ACYP2: variants seen among roughly 807,000 people sequenced by gnomAD.
The protein encoded by ACYP2 is acylphosphatase-2.
In ACYP2, 12 loss-of-function variants were observed where a neutral mutation model predicts 11.2. That is an observed-to-expected ratio of 1.08 (90% CI 0.69 to 1.74). The LOEUF (loss-of-function observed/expected upper bound fraction) is 1.74, where lower values mean the gene tolerates loss of function less well. Ranked by LOEUF, ACYP2 falls within the 40% of genes most tolerant of loss-of-function variation. The pLI, the probability that ACYP2 is intolerant of heterozygous loss-of-function variation, is 0.00. For missense variants in ACYP2, 134 were observed against 101.9 expected (o/e 1.31, Z -1.35); for synonymous variants, 43 against 32.2 (o/e 1.33, Z -1.13).
intron 4 of ACYP2, among the ~76,000 whole-genome samples, chr2:54,116,314 A>T (rs1029168093): frequency 1.3e-5 from 2 of 152,206 alleles, no homozygotes; most frequent in Non-Finnish European, 2.9e-5. Flanking sequence ...TGATATTTAT[A>T]AATGAAAATA....
intron 6 of ACYP2, among the ~76,000 whole-genome samples, chr2:54,205,496 A>G (rs1685038675): frequency 6.6e-6 from 1 of 152,172 alleles, no homozygotes; most frequent in Admixed American, 6.5e-5. Flanking sequence ...CCTATTATAC[A>G]TCTACCCTTC....
At chr2:54,033,407 C>T (rs1021849795) in intron 2 of ACYP2, among the ~76,000 whole-genome samples, 1 of 151,426 alleles carries the variant, frequency 6.6e-6, no homozygotes, top group Non-Finnish European at 1.5e-5. Context: ...GAGACAGGGT[C>T]CCACTGTGTT....
At chr2:54,073,931 G>T (rs550402970) in intron 4 of ACYP2, among the ~76,000 whole-genome samples, 60 of 152,312 alleles carry the variant, frequency 3.9e-4, no homozygotes, top group African/African-American at 1.4e-3. Flanking sequence ...TATAATAATG[G>T]TGGGAATGAA....
At chr2:53,982,862 G>GTGTGTGTC (rs1370440565) in intron 2 of ACYP2, among the ~76,000 whole-genome samples, 1 of 150,204 alleles carries the variant, frequency 6.7e-6, no homozygotes, top group African/African-American at 2.5e-5. Context: ...GTGTGTGTGT[G>GTGTGTGTC]TGTGTGTGTG....
At chr2:54,006,532 T>G (rs1011066401) in intron 2 of ACYP2, among the ~76,000 whole-genome samples, 1 of 152,174 alleles carries the variant, frequency 6.6e-6, no homozygotes, top group Non-Finnish European at 1.5e-5. Flanking sequence ...TAAGTGATCC[T>G]CCTGCTTCGG....
chr2:54,007,393 A>G (rs1377928921), intron 2 of ACYP2, among the ~76,000 whole-genome samples: 1 of 151,422 alleles, frequency 6.6e-6, no homozygotes, highest in Non-Finnish European at 1.5e-5. Flanking sequence ...AGCTGGGACT[A>G]CAGGCATGTG....
intron 6 of ACYP2, among the ~76,000 whole-genome samples, chr2:54,215,679 T>C (rs1324106143): frequency 2.0e-5 from 3 of 152,166 alleles, no homozygotes; most frequent in African/African-American, 7.2e-5. Context: ...TAATTTCTTA[T>C]AAAACTGGAA....
intron 6 of ACYP2, among the ~76,000 whole-genome samples, chr2:54,287,642 C>T (rs77644820): frequency 0.022 from 3,339 of 152,034 alleles, 70 homozygotes; most frequent in Middle Eastern, 0.044. Context: ...ACTTTGAAGC[C>T]GCCATGCTGA....
intron 4 of ACYP2, among the ~76,000 whole-genome samples, chr2:54,085,437 C>G (rs893088615): frequency 2.5e-4 from 38 of 152,308 alleles, no homozygotes; most frequent in African/African-American, 6.7e-4. Context: ...CATTATCTTA[C>G]TAGTTTTTAT....
intron 2 of ACYP2, among the ~76,000 whole-genome samples, chr2:53,977,109 A>G (rs982641677): frequency 6.6e-6 from 1 of 152,004 alleles, no homozygotes; most frequent in Admixed American, 6.6e-5. Flanking sequence ...GTGCAGTGGC[A>G]TGATCTGGGC....
At chr2:54,054,102 A>G (rs1676002125) in intron 3 of ACYP2, among the ~76,000 whole-genome samples, 1 of 152,140 alleles carries the variant, frequency 6.6e-6, no homozygotes, top group South Asian at 2.1e-4. Flanking sequence ...CGAGATAGGG[A>G]TTTTCCTGTA....
chr2:54,241,368 A>T (rs1187681562), intron 6 of ACYP2, among the ~76,000 whole-genome samples: 1 of 152,190 alleles, frequency 6.6e-6, no homozygotes. Context: ...TTGAACCGAA[A>T]AATGAAGCCT....
At chr2:54,145,293 G>A (rs1464598065) in intron 6 of ACYP2, among the ~76,000 whole-genome samples, 1 of 152,178 alleles carries the variant, frequency 6.6e-6, no homozygotes, top group African/African-American at 2.4e-5. Flanking sequence ...GGATTGATCA[G>A]CTAGGATCTA....
chr2:54,147,145 C>G (rs1221012659), intron 6 of ACYP2, among the ~76,000 whole-genome samples: 1 of 152,078 alleles, frequency 6.6e-6, no homozygotes, highest in East Asian at 1.9e-4. Context: ...TTTTCTTTCT[C>G]TTCTTCTTTC....
At chr2:53,999,071 A>C (rs1036856914) in intron 2 of ACYP2, among the ~76,000 whole-genome samples, 1 of 152,184 alleles carries the variant, frequency 6.6e-6, no homozygotes, top group Non-Finnish European at 1.5e-5. Context: ...CTGTAAAGGA[A>C]ATACAAAAAA....
intron 2 of ACYP2, among the ~76,000 whole-genome samples, chr2:53,981,669 G>A (rs1251349474): frequency 6.6e-6 from 1 of 152,092 alleles, no homozygotes; most frequent in Non-Finnish European, 1.5e-5. Context: ...GAAAGTTGGG[G>A]TTTTCCTTTA....
intron 2 of ACYP2, among the ~76,000 whole-genome samples, chr2:54,010,319 A>G (rs1673289077): frequency 6.6e-6 from 1 of 152,130 alleles, no homozygotes; most frequent in African/African-American, 2.4e-5. Context: ...CCCTGTCTCT[A>G]CTAAAAATAC....
intron 6 of ACYP2, among the ~76,000 whole-genome samples, chr2:54,266,981 T>A (rs1183969230): frequency 3.3e-5 from 5 of 152,166 alleles, no homozygotes; most frequent in Non-Finnish European, 7.3e-5. Context: ...CCAGGCAATC[T>A]GAGCCTATAA....
At chr2:54,240,157 T>TA (rs1686671182) in intron 6 of ACYP2, among the ~76,000 whole-genome samples, 2 of 152,054 alleles carry the variant, frequency 1.3e-5, no homozygotes, top group African/African-American at 4.8e-5. Context: ...TGAAGGTGAG[T>TA]AGCACTGAGA....
Sources: allele counts gnomAD v4.1 joint callset (sites outside exome capture counted in the v4.1 genomes callset), GRCh38; gene constraint gnomAD v4.1.1; transcripts MANE v1.5; gene names NCBI Gene and HGNC (gene_info 2026-07-23, HGNC 2026-07-21).